The following TJP2 variants were observed in gnomAD, a reference collection of about 807,000 sequenced individuals.
TJP2 encodes Friedreich ataxia region gene X104 (tight junction protein ZO-2).
A neutral mutation model predicts 133.1 loss-of-function variants in TJP2; 91 were observed. That is an observed-to-expected ratio of 0.68 (90% CI 0.58 to 0.81). The LOEUF (loss-of-function observed/expected upper bound fraction) is 0.81, where lower values mean the gene tolerates loss of function less well. TJP2 is among the 40% of genes least tolerant of loss of function. TJP2 has a pLI of 0.00. For synonymous variants in TJP2, 592 were observed against 583.4 expected (o/e 1.01, Z -0.21); for missense variants, 1,541 against 1,565.6 (o/e 0.98, Z 0.26).
chr9:69,226,710 G>A (rs924493469), intron 7 of TJP2, among the ~76,000 whole-genome samples: 1 of 152,150 alleles, frequency 6.6e-6, no homozygotes, highest in Non-Finnish European at 1.5e-5. Flanking sequence ...TGTTGGCCAG[G>A]CTGGTCTTGA....
At chr9:69,146,568 T>C (rs1361345611) in intron 1 of TJP2, among the ~76,000 whole-genome samples, 1 of 152,206 alleles carries the variant, frequency 6.6e-6, no homozygotes, top group African/African-American at 2.4e-5. Context: ...GCAATGTACA[T>C]TCATTATAGA....
Position 69,159,892 on chromosome 9 carries a change from T to C in TJP2, c.-10+8121T>C, listed in dbSNP as rs573777829. Among the ~76,000 whole-genome samples the C allele has an allele frequency of 2.2e-4, 12 of 54,294 alleles. No individual in the cohort carries two copies. In the South Asian group the frequency reaches 9.9e-3, roughly 45 times the overall value. 35.6% of individuals were successfully genotyped at this position (54,294 alleles called of 152,430 possible). On this transcript the variant is annotated intron_variant, in intron 2 of 5. Coordinates refer to the TJP2 transcript ENST00000423935. ...AAAAAAAAAAAAAGAAAGAAATATATACATATATATATATATGTGTGTGTG... is the reference window on the plus strand; with the variant it reads ...AAAAAAAAAAAAAGAAAGAAATATACACATATATATATATATGTGTGTGTG...
Position 69,225,327 on chromosome 9 carries a change from C to G in TJP2, c.976C>G (p.Gln326Glu). ...NEEYGLRLGS[Q>E]IFVKEMTRTG... ...AGAGTATGGTCTCCGGCTTGGGAGT[C>G]AGATCTTCGTAAAGGAAATGACCCG... The change falls in exon 6 of 23, where the codon CAG (glutamine) becomes GAG (glutamate). Residue 326 changes from glutamine to glutamate, a missense_variant. Gln to Glu is a conservative substitution (Grantham distance 29). Transcript: ENST00000377245. The G allele has an allele frequency of 6.2e-7, 1 of 1,613,512 alleles. No homozygotes were observed. Among genetic ancestry groups the G allele is most frequent in the South Asian group, 1.1e-5 (1 of 91,012 alleles).
chr9:69,242,895 C>T (rs1396114161), intron 17 of TJP2, among the ~76,000 whole-genome samples: 6 of 152,140 alleles, frequency 3.9e-5, no homozygotes, highest in Admixed American at 3.9e-4. Context: ...ACATAGTCTC[C>T]CTCTGTCGCC....
intron 17 of TJP2, 47 bp from the exon 18 acceptor site, chr9:69,246,643 C>G: frequency 2.0e-6 from 3 of 1,494,588 alleles, no homozygotes; most frequent in Non-Finnish European, 2.8e-6. Flanking sequence ...CCTTAATAAA[C>G]ATGCCTCTGG....
chr9:69,175,819 A>G (rs896501109), intron 1 of TJP2, among the ~76,000 whole-genome samples: 1 of 152,116 alleles, frequency 6.6e-6, no homozygotes, highest in African/African-American at 2.4e-5. Context: ...TTTCAGAACT[A>G]CTTCTGCAGT....
rs77410423 is a variant in TJP2 at position 69,215,935 on chromosome 9, T to C, written c.115-404T>C. 6.6e-4 allele frequency among the ~76,000 whole-genome samples: 100 copies of C among 152,234 alleles called. No individual in the cohort carries two copies. The East Asian group carries it at 0.017, about 26-fold the overall frequency. The stretch of plus-strand genomic sequence containing the variant: ...CAAATACAATAAGGAAATCTGAAAA[T>C]TAAAAAATACAGTTTTAGTACAGGT... On this transcript the variant is annotated intron_variant, in intron 2 of 22. Coordinates refer to ENST00000377245, the MANE Select transcript of TJP2 (RefSeq NM_004817.4).
intron 1 of TJP2, among the ~76,000 whole-genome samples, chr9:69,203,570 CTGGGATTAT>C (rs1827161302): frequency 7.1e-6 from 1 of 140,244 alleles, no homozygotes; most frequent in South Asian, 2.3e-4. Flanking sequence ...TCCCAAAGTG[CTGGGATTAT>C]AGGCATGAGC....
intron 1 of TJP2, among the ~76,000 whole-genome samples, chr9:69,183,673 C>A (rs188330232): frequency 3.4e-4 from 52 of 152,120 alleles, no homozygotes; most frequent in African/African-American, 1.1e-3. Context: ...ACATGTACAC[C>A]CATTTCTCTT....
intron 1 of TJP2, among the ~76,000 whole-genome samples, chr9:69,186,269 A>G (rs1317904000): frequency 1.3e-5 from 2 of 152,184 alleles, no homozygotes; most frequent in Non-Finnish European, 2.9e-5. Flanking sequence ...GTAATTTGCT[A>G]GAAATGGAGT....
intron 17 of TJP2, among the ~76,000 whole-genome samples, chr9:69,242,314 C>A (rs1237320798): frequency 1.3e-5 from 2 of 152,204 alleles, no homozygotes; most frequent in African/African-American, 4.8e-5. Flanking sequence ...ATTTCAAGAT[C>A]CTTGAAGGCA....
chr9:69,169,371 G>T (rs868072110), upstream of TJP2, among the ~76,000 whole-genome samples: 11 of 145,986 alleles, frequency 7.5e-5, no homozygotes, highest in Non-Finnish European at 1.5e-4. Context: ...TTTTTTTTTG[G>T]GGGGGGGATG....
chr9:69,235,462 A>G (rs1294852274), intron 12 of TJP2, among the ~76,000 whole-genome samples: 1 of 151,920 alleles, frequency 6.6e-6, no homozygotes, highest in Non-Finnish European at 1.5e-5. Context: ...AGCTGGGACT[A>G]CAGGCGCCCA....
chr9:69,236,400 C>T (rs183408241), intron 13 of TJP2, among the ~76,000 whole-genome samples, 162 bp downstream of exon 13: 16 of 152,210 alleles, frequency 1.1e-4, no homozygotes, highest in Non-Finnish European at 1.8e-4. Context: ...TGTAAATAGC[C>T]ACCAGCCAGT....
chr9:69,131,436 C>G (rs1311632754), intron 1 of TJP2, among the ~76,000 whole-genome samples: 1 of 152,168 alleles, frequency 6.6e-6, no homozygotes, highest in African/African-American at 2.4e-5. Flanking sequence ...CTGTGTTCTA[C>G]TCTTCCCACT....
chr9:69,254,302 C>G lies in TJP2; in HGVS notation c.3501C>G (p.Arg1167=), dbSNP rs1831551796. 4 of 1,614,144 alleles carry G rather than the reference C, an allele frequency of 2.5e-6. No homozygotes were observed. The highest frequency in any genetic ancestry group is 3.4e-6 in the Non-Finnish European group (4 of 1,180,068). The change falls in exon 23 of 23, where the codon CGC becomes CGG. Residue 1167 remains arginine, a synonymous_variant. Coordinates refer to ENST00000377245, the MANE Select transcript of TJP2 (RefSeq NM_004817.4). ...YGSDAEEEEY[R]QQLSEHSKRG... is the part of the protein sequence containing the mutation. The stretch of plus-strand genomic sequence containing the variant: ...GTGATGCCGAGGAGGAGGAGTACCG[C>G]CAGCAGCTGTCAGAACACTCCAAGC...
intron 17 of TJP2, among the ~76,000 whole-genome samples, chr9:69,243,471 G>GT (rs781311797): frequency 6.6e-6 from 1 of 152,204 alleles, no homozygotes; most frequent in Non-Finnish European, 1.5e-5. Flanking sequence ...GTCATAATAA[G>GT]TTTAAGTGTT....
intron 5 of TJP2, among the ~76,000 whole-genome samples, chr9:69,223,289 CTGTTT>C (rs10594219): frequency 0.86 from 129,013 of 150,018 alleles, 55,541 homozygotes; most frequent in East Asian, 0.99. Context: ...GGCTTCGTTT[CTGTTT>C]TGTTTTGTTT....
At chr9:69,188,879 T>C (rs1029272664) in intron 1 of TJP2, among the ~76,000 whole-genome samples, 5 of 152,198 alleles carry the variant, frequency 3.3e-5, no homozygotes, top group Non-Finnish European at 5.9e-5. Context: ...CTATCATTAA[T>C]ATCAGGAAAA....
Sources: allele counts gnomAD v4.1 joint callset (sites outside exome capture counted in the v4.1 genomes callset), GRCh38; gene constraint gnomAD v4.1.1; transcripts MANE v1.5; gene names NCBI Gene and HGNC (gene_info 2026-07-23, HGNC 2026-07-21).